Variants in USH2A observed in about 807,000 individuals in gnomAD.
The protein encoded by USH2A is Usher syndrome 2A (autosomal recessive, mild).
Under a neutral mutation model 538.9 loss-of-function variants are expected in USH2A, and 443 were observed. The ratio of observed to expected loss-of-function variants is 0.82; its 90% confidence interval spans 0.76 to 0.89. USH2A has a LOEUF of 0.89. USH2A is among the 40% of genes least tolerant of loss of function. The pLI is 0.00. For missense variants in USH2A, 6,633 were observed against 6,324.8 expected (o/e 1.05, Z -1.65); for synonymous variants, 2,413 against 2,273.5 (o/e 1.06, Z -1.75).
At position 215,786,650 on chromosome 1, in the gene USH2A, G is replaced by A; in HGVS notation, c.10387+20C>T. ...CACTAACCCCATTAAGCCATGGGCA[G>A]ACAGCTTGCTTTCTGTTACCTGTGT... On this transcript the variant is annotated intron_variant, in intron 52 of 71. Coordinates refer to ENST00000307340, the MANE Select transcript of USH2A (RefSeq NM_206933.4). 6.2e-7 allele frequency: 1 copy of A among 1,613,522 alleles called. No homozygotes were observed. The highest frequency in any genetic ancestry group is 8.5e-7 in the Non-Finnish European group (1 of 1,179,496).
rs1558080245 is a variant in USH2A, at chr1:216,418,616, C to A, written c.549G>T (p.Glu183Asp). ...IVFKLTISEKETMFYYRTVNG... is the reference protein window; with the variant it reads ...IVFKLTISEKDTMFYYRTVNG... ...TTACTGTGCGATAATAAAACATGGT[C>A]TCTTTCTCAGATATTGTAAGTTTGA... The change falls in exon 3 of 72, where the codon GAG (glutamate) becomes GAT (aspartate). Residue 183 changes from glutamate to aspartate, a missense_variant. By Grantham distance (45) the Glu-to-Asp change is conservative. Coordinates refer to ENST00000307340, the MANE Select transcript of USH2A (RefSeq NM_206933.4). 3.7e-6 allele frequency: 6 copies of A among 1,613,320 alleles called. No homozygotes were observed. The highest frequency in any genetic ancestry group is 1.1e-5 in the South Asian group (1 of 91,060).
chr1:215,704,626 C>T (rs553464098), intron 61 of USH2A, among the ~76,000 whole-genome samples: 14 of 152,294 alleles, frequency 9.2e-5, no homozygotes, highest in Admixed American at 8.5e-4. Context: ...TCTCCCTGGT[C>T]TGCCTCTTTC....
chr1:216,351,554 G>C (rs1215792099), intron 4 of USH2A, among the ~76,000 whole-genome samples: 1 of 152,174 alleles, frequency 6.6e-6, no homozygotes, highest in African/African-American at 2.4e-5. Flanking sequence ...AGCTCAGTTA[G>C]GTCTTGTAGG....
At chr1:215,954,491 ACT>A (rs1667012703) in intron 37 of USH2A, among the ~76,000 whole-genome samples, 1 of 146,566 alleles carries the variant, frequency 6.8e-6, no homozygotes, top group Non-Finnish European at 1.5e-5. Context: ...GTATGTTCTC[ACT>A]CATAGGTGGG....
At chr1:216,157,201 A>G (rs187918591) in intron 21 of USH2A, among the ~76,000 whole-genome samples, 1 of 152,296 alleles carries the variant, frequency 6.6e-6, no homozygotes, top group East Asian at 1.9e-4. Context: ...ATGACATACA[A>G]GCAACCAACA....
intron 67 of USH2A, among the ~76,000 whole-genome samples, chr1:215,642,363 G>C (rs1418606332): frequency 6.6e-6 from 1 of 152,158 alleles, no homozygotes; most frequent in Admixed American, 6.5e-5. Flanking sequence ...GGAGACCAAG[G>C]AGCTGAACCT....
chr1:215,993,179 T>C lies in USH2A; in HGVS notation c.6658-12A>G, dbSNP rs1250450872. ...CCACCTGTGCAAGCCTAAACAGAGATGCAAAAATGCTCATTTCACTCTTGG... is the reference window on the plus strand; with the variant it reads ...CCACCTGTGCAAGCCTAAACAGAGACGCAAAAATGCTCATTTCACTCTTGG... On this transcript the variant is annotated splice_polypyrimidine_tract_variant and intron_variant, in intron 34 of 71. Transcript: ENST00000307340. The C allele has an allele frequency of 1.2e-6, 2 of 1,614,004 alleles. No homozygotes were observed. The highest frequency in any genetic ancestry group is 1.7e-6 in the Non-Finnish European group (2 of 1,179,952).
chr1:216,102,522 G>A (rs868577803), intron 21 of USH2A, among the ~76,000 whole-genome samples: 36 of 152,122 alleles, frequency 2.4e-4, no homozygotes, highest in African/African-American at 7.0e-4. Context: ...CTTGTGGGCC[G>A]GGCACAGTGG....
chr1:216,419,187 T>C (rs1243794755), intron 2 of USH2A, among the ~76,000 whole-genome samples: 1 of 152,106 alleles, frequency 6.6e-6, no homozygotes, highest in African/African-American at 2.4e-5. Flanking sequence ...TGGACAGCTA[T>C]AGTCTCTACT....
Position 215,726,276 on chromosome 1 carries a change from G to A in USH2A, c.12066+1754C>T, listed in dbSNP as rs1188669311. Among the ~76,000 whole-genome samples the A allele has an allele frequency of 2.0e-5, 3 of 152,034 alleles. No individual in the cohort carries two copies. The East Asian group carries it at 5.8e-4, about 29-fold the overall frequency. ...AGTATCTTTTACACTTAAGAACACT[G>A]CTTCTAATGCTTATCATATAGGAAC... On this transcript the variant is annotated intron_variant, in intron 61 of 71. Coordinates refer to ENST00000307340, the MANE Select transcript of USH2A (RefSeq NM_206933.4).
At chr1:215,996,444 G>A (rs1398516781) in intron 34 of USH2A, among the ~76,000 whole-genome samples, 1 of 151,832 alleles carries the variant, frequency 6.6e-6, no homozygotes, top group Admixed American at 6.6e-5. Flanking sequence ...TGTCTTGATA[G>A]CTGTCTGTAT....
intron 58 of USH2A, among the ~76,000 whole-genome samples, chr1:215,745,935 G>A (rs1308133708): frequency 6.6e-6 from 1 of 152,158 alleles, no homozygotes; most frequent in Non-Finnish European, 1.5e-5. Context: ...CATATTATAG[G>A]TAGAAATTTA....
At chr1:215,885,051 C>T (rs1379198297) in intron 41 of USH2A, among the ~76,000 whole-genome samples, 2 of 151,702 alleles carry the variant, frequency 1.3e-5, no homozygotes, top group Non-Finnish European at 2.9e-5. Context: ...CATAGTCATG[C>T]AACTTAGTTA....
At chr1:215,744,946 G>A (rs932575425) in intron 58 of USH2A, among the ~76,000 whole-genome samples, 2 of 152,108 alleles carry the variant, frequency 1.3e-5, no homozygotes, top group African/African-American at 4.8e-5. Context: ...CTTATCTCTA[G>A]CTTTCTATCT....
intron 3 of USH2A, among the ~76,000 whole-genome samples, chr1:216,389,124 C>T (rs1167871486): frequency 4.6e-5 from 7 of 152,078 alleles, no homozygotes; most frequent in East Asian, 1.9e-4. Context: ...ACTTTATCAT[C>T]GCATGCTTCA....
rs17026031 is a variant in USH2A at position 216,073,878 on chromosome 1, G to T, written c.5573-578C>A. Among the ~76,000 whole-genome samples the T allele has an allele frequency of 0.018, 2,767 of 152,280 alleles. 94 individuals are homozygous for T. The highest frequency in any genetic ancestry group is 0.062 in the African/African-American group (2,594 of 41,562). Reference sequence around the variant, plus strand: ...ACTTCAGAGGTATAGAATTTAGCCCGAGTTACATCAGCCTACAGAAGAGCT... The same window carrying T: ...ACTTCAGAGGTATAGAATTTAGCCCTAGTTACATCAGCCTACAGAAGAGCT... On this transcript the variant is annotated intron_variant, in intron 27 of 71. Transcript: ENST00000307340.
At chr1:215,864,787 A>G (rs1298414007) in intron 44 of USH2A, among the ~76,000 whole-genome samples, 1 of 152,174 alleles carries the variant, frequency 6.6e-6, no homozygotes, top group Non-Finnish European at 1.5e-5. Flanking sequence ...TATCTCACAT[A>G]TCATGTATGT....
intron 58 of USH2A, among the ~76,000 whole-genome samples, chr1:215,751,314 C>T (rs1376114652): frequency 6.6e-6 from 1 of 152,020 alleles, no homozygotes; most frequent in Non-Finnish European, 1.5e-5. Flanking sequence ...CTAATTCCTT[C>T]TTTAATGGAG....
chr1:216,377,807 AAAAGAAAGAAAGAAAGAAAGAAAGAAAG>A (rs200931887), intron 3 of USH2A, among the ~76,000 whole-genome samples: 1,308 of 49,514 alleles, frequency 0.026, 25 homozygotes, highest in African/African-American at 0.044. Context: ...GAAAGAAATA[AAAAGAAAGAAAGAAAGAAAGAAAGAAAG>A]AAAGAAAGAA....
Sources: allele counts gnomAD v4.1 joint callset (sites outside exome capture counted in the v4.1 genomes callset), GRCh38; gene constraint gnomAD v4.1.1; transcripts MANE v1.5; gene names NCBI Gene and HGNC (gene_info 2026-07-23, HGNC 2026-07-21).